The following CLIC5 variants were observed in gnomAD, a reference collection of about 807,000 sequenced individuals.
The protein encoded by CLIC5 is CLIC family member 5.
Under a neutral mutation model 24.7 loss-of-function variants are expected in CLIC5, and 20 were observed. The observed-to-expected ratio is 0.81, with a 90% confidence interval of 0.57 to 1.18. CLIC5 has a LOEUF of 1.18. Ranked by LOEUF, CLIC5 falls within the 50% of genes most tolerant of loss-of-function variation. The pLI is 0.00. For missense variants in CLIC5, 341 were observed against 326.1 expected, an observed-to-expected ratio of 1.05 and a Z score of -0.35; for synonymous variants, 159 against 135.6, an observed-to-expected ratio of 1.17 and a Z score of -1.20.
the CLIC5 span, among the ~76,000 whole-genome samples, chr6:46,101,696 A>G: frequency 6.6e-6 from 1 of 152,196 alleles, no homozygotes; most frequent in African/African-American, 2.4e-5. Flanking sequence ...GCTTGGTGAC[A>G]TGGAACTTCA....
chr6:45,938,488 A>G (rs1202366622), intron 4 of CLIC5, among the ~76,000 whole-genome samples: 1 of 152,202 alleles, frequency 6.6e-6, no homozygotes, highest in Non-Finnish European at 1.5e-5. Context: ...CAGAAGGTGG[A>G]ATAGCACATC....
At chr6:45,979,320 A>C (rs1765491244) in intron 1 of CLIC5, among the ~76,000 whole-genome samples, 1 of 152,156 alleles carries the variant, frequency 6.6e-6, no homozygotes, top group African/African-American at 2.4e-5. Flanking sequence ...AACTCCTTGA[A>C]TAGACAAGAG....
At chr6:46,118,419 T>C in the CLIC5 span, among the ~76,000 whole-genome samples, 1 of 152,154 alleles carries the variant, frequency 6.6e-6, no homozygotes, top group Non-Finnish European at 1.5e-5. Flanking sequence ...CAAGATATTT[T>C]GAAGGTGAAA....
chr6:45,997,429 C>T (rs1265506993), intron 1 of CLIC5, among the ~76,000 whole-genome samples: 1 of 148,760 alleles, frequency 6.7e-6, no homozygotes, highest in African/African-American at 2.5e-5. Context: ...GGGTGCAGCG[C>T]ACCAGCATGG....
chr6:46,091,630 T>C, the CLIC5 span, among the ~76,000 whole-genome samples: 4 of 152,212 alleles, frequency 2.6e-5, no homozygotes, highest in African/African-American at 9.6e-5. Flanking sequence ...CCCAGCTACT[T>C]GGGAGGTTGA....
chr6:45,989,822 G>A (rs900310709), intron 1 of CLIC5, among the ~76,000 whole-genome samples: 3 of 152,154 alleles, frequency 2.0e-5, no homozygotes, highest in Non-Finnish European at 4.4e-5. Context: ...CTAGCAATTT[G>A]AGGAACTTCA....
At chr6:45,890,983 A>C (rs1414639837) in intron 6 of CLIC5, among the ~76,000 whole-genome samples, 6 of 152,140 alleles carry the variant, frequency 3.9e-5, no homozygotes, top group Non-Finnish European at 8.8e-5. Context: ...AGATAAATAG[A>C]AGGAATAAGT....
intron 1 of CLIC5, among the ~76,000 whole-genome samples, chr6:46,028,731 AC>A (rs1328463246): frequency 1.3e-5 from 2 of 152,178 alleles, no homozygotes; most frequent in Non-Finnish European, 1.5e-5. Context: ...CCACACATGC[AC>A]AGCCTCCCCC....
chr6:46,037,053 A>C (rs1350107712), intron 1 of CLIC5, among the ~76,000 whole-genome samples: 1 of 152,122 alleles, frequency 6.6e-6, no homozygotes, highest in African/African-American at 2.4e-5. Context: ...TATTCAACCA[A>C]AGGTCTTCAT....
chr6:45,992,342 T>C (rs1356775720), intron 1 of CLIC5, among the ~76,000 whole-genome samples: 1 of 152,224 alleles, frequency 6.6e-6, no homozygotes, highest in Admixed American at 6.5e-5. Flanking sequence ...TGACAGCGAA[T>C]GTGTACTCTC....
chr6:45,927,521 G>A (rs953374936), intron 4 of CLIC5, among the ~76,000 whole-genome samples: 4 of 152,192 alleles, frequency 2.6e-5, no homozygotes, highest in African/African-American at 4.8e-5. Flanking sequence ...AAAGCAGGAC[G>A]TAGATTTACA....
intron 4 of CLIC5, among the ~76,000 whole-genome samples, chr6:45,918,429 C>T (rs1763114794): frequency 6.6e-6 from 1 of 152,200 alleles, no homozygotes; most frequent in Non-Finnish European, 1.5e-5. Flanking sequence ...CAGCTCAGCC[C>T]TGGTTTGCTG....
At chr6:45,903,798 G>A (rs1172609739) in intron 5 of CLIC5, among the ~76,000 whole-genome samples, 1 of 152,082 alleles carries the variant, frequency 6.6e-6, no homozygotes, top group Non-Finnish European at 1.5e-5. Context: ...CAGTGGTTAT[G>A]TCTGATTGAT....
At chr6:45,907,482 G>T (rs1762693615) in intron 5 of CLIC5, among the ~76,000 whole-genome samples, 3 of 152,108 alleles carry the variant, frequency 2.0e-5, no homozygotes, top group Admixed American at 2.0e-4. Flanking sequence ...TTGGCTTGAA[G>T]TTTTCTTTTT....
intron 1 of CLIC5, among the ~76,000 whole-genome samples, chr6:46,063,715 T>C (rs1269338260): frequency 3.9e-5 from 6 of 152,144 alleles, no homozygotes; most frequent in Admixed American, 3.9e-4. Flanking sequence ...TGGTAATAAT[T>C]TGTGTTCCCA....
At chr6:45,995,379 C>T (rs1766096447) in intron 1 of CLIC5, among the ~76,000 whole-genome samples, 1 of 152,220 alleles carries the variant, frequency 6.6e-6, no homozygotes, top group African/African-American at 2.4e-5. Context: ...ATTTTTATAA[C>T]TTGATTTCAC....
At chr6:45,999,979 T>C (rs1766294888) in intron 1 of CLIC5, among the ~76,000 whole-genome samples, 1 of 27,656 alleles carries the variant, frequency 3.6e-5, no homozygotes, top group Non-Finnish European at 6.8e-5. Flanking sequence ...CTCGATCTCC[T>C]GACCTCATGA....
chr6:45,924,764 CATAT>C (rs34278266), intron 4 of CLIC5, among the ~76,000 whole-genome samples: 1 of 150,810 alleles, frequency 6.6e-6, no homozygotes, highest in Non-Finnish European at 1.5e-5. Flanking sequence ...AGACAGAGCC[CATAT>C]ATATATATAT....
intron 1 of CLIC5, among the ~76,000 whole-genome samples, chr6:46,006,555 C>A (rs1766590320): frequency 1.3e-5 from 2 of 152,154 alleles, no homozygotes; most frequent in African/African-American, 4.8e-5. Context: ...TGCTTCTGAG[C>A]CATTGTTCAC....
Sources: allele counts gnomAD v4.1 joint callset (sites outside exome capture counted in the v4.1 genomes callset), GRCh38; gene constraint gnomAD v4.1.1; transcripts MANE v1.5; gene names NCBI Gene and HGNC (gene_info 2026-07-23, HGNC 2026-07-21).